The following ZNF469 variants were observed in gnomAD, a reference collection of about 807,000 sequenced individuals.
The protein encoded by ZNF469 is zinc finger protein 469.
A neutral mutation model predicts 1.0 loss-of-function variants in ZNF469; 1 was observed. That is an observed-to-expected ratio of 1.00 (90% CI 0.35 to 4.73). ZNF469 has a LOEUF of 4.73. Among genes scored for constraint, ZNF469 ranks in the 30% most tolerant of loss-of-function variants. The pLI is 0.16. For synonymous variants in ZNF469, 2,703 were observed against 2,363.4 expected, an observed-to-expected ratio of 1.14 and a Z score of -4.17; for missense variants, 6,100 against 5,356.3, an observed-to-expected ratio of 1.14 and a Z score of -4.33.
At chr16:88,324,161 T>C in the ZNF469 span, among the ~76,000 whole-genome samples, 2 of 152,242 alleles carry the variant, frequency 1.3e-5, no homozygotes, top group Non-Finnish European at 2.9e-5. Context: ...TCGGGGCTAC[T>C]TGGGCTTCCT....
At chr16:88,418,332 G>A (rs1269603994) in intron 1 of ZNF469, among the ~76,000 whole-genome samples, 1 of 151,354 alleles carries the variant, frequency 6.6e-6, no homozygotes, top group East Asian at 1.9e-4. Context: ...GGCCGTGGAG[G>A]GTTGTCTAGG....
the ZNF469 span, among the ~76,000 whole-genome samples, chr16:88,244,254 T>C: frequency 6.7e-6 from 1 of 150,200 alleles, no homozygotes; most frequent in African/African-American, 2.5e-5. Context: ...GGAGGGTGAA[T>C]GCATACATGG....
the ZNF469 span, among the ~76,000 whole-genome samples, chr16:88,360,517 C>A: frequency 4.2e-4 from 60 of 144,540 alleles, 1 homozygote; most frequent in African/African-American, 1.5e-3. Flanking sequence ...CAGTCCACCC[C>A]CAGACAGCGC....
chr16:88,304,035 A>G, the ZNF469 span, among the ~76,000 whole-genome samples: 1 of 152,050 alleles, frequency 6.6e-6, no homozygotes, highest in South Asian at 2.1e-4. Flanking sequence ...TAATGGGGCA[A>G]CTCCGCAGCT....
chr16:88,140,054 T>C, the ZNF469 span, among the ~76,000 whole-genome samples: 1 of 152,240 alleles, frequency 6.6e-6, no homozygotes, highest in African/African-American at 2.4e-5. Context: ...GAATCAGCAC[T>C]GTGCAGACAG....
the ZNF469 span, among the ~76,000 whole-genome samples, chr16:88,174,307 A>T: frequency 2.0e-5 from 3 of 152,252 alleles, no homozygotes; most frequent in Non-Finnish European, 4.4e-5. Flanking sequence ...ACAAAATCCT[A>T]AATATGTACA....
chr16:88,149,049 A>G, the ZNF469 span, among the ~76,000 whole-genome samples: 2 of 152,100 alleles, frequency 1.3e-5, no homozygotes, highest in Non-Finnish European at 2.9e-5. Flanking sequence ...TTATTAAATC[A>G]AAGCCACCTG....
chr16:88,300,951 G>C, the ZNF469 span, among the ~76,000 whole-genome samples: 1 of 152,002 alleles, frequency 6.6e-6, no homozygotes, highest in African/African-American at 2.4e-5. Context: ...TGTAATCCCA[G>C]CTACTCGGGA....
chr16:88,376,686 C>T, the ZNF469 span, among the ~76,000 whole-genome samples: 1 of 152,376 alleles, frequency 6.6e-6, no homozygotes, highest in East Asian at 1.9e-4. Flanking sequence ...AGCAGCTGCC[C>T]ACGGCCCCAG....
At chr16:88,263,545 G>C in the ZNF469 span, among the ~76,000 whole-genome samples, 1 of 152,190 alleles carries the variant, frequency 6.6e-6, no homozygotes, top group Non-Finnish European at 1.5e-5. Context: ...TTGGTTGGCT[G>C]AGGGCATGGG....
chr16:88,221,500 G>C, the ZNF469 span, among the ~76,000 whole-genome samples: 1 of 152,234 alleles, frequency 6.6e-6, no homozygotes, highest in Non-Finnish European at 1.5e-5. Flanking sequence ...CATGGTCTCA[G>C]GGGGACGGGA....
chr16:88,296,611 T>C, the ZNF469 span, among the ~76,000 whole-genome samples: 1 of 150,764 alleles, frequency 6.6e-6, no homozygotes, highest in South Asian at 2.1e-4. Context: ...CTCACAGACA[T>C]GCTCACACTC....
the ZNF469 span, among the ~76,000 whole-genome samples, chr16:88,174,807 CTA>C: frequency 6.6e-6 from 1 of 151,762 alleles, no homozygotes; most frequent in Non-Finnish European, 1.5e-5. Flanking sequence ...GTATTAATAA[CTA>C]TTTCTGTTAT....
At chr16:88,198,917 A>C in the ZNF469 span, among the ~76,000 whole-genome samples, 4 of 152,166 alleles carry the variant, frequency 2.6e-5, no homozygotes, top group African/African-American at 9.7e-5. Context: ...ACCCGAGGCG[A>C]GGGCCCCTGG....
chr16:88,247,584 ATGAC>A, the ZNF469 span, among the ~76,000 whole-genome samples: 22 of 136,092 alleles, frequency 1.6e-4, no homozygotes, highest in South Asian at 7.5e-4. Context: ...GAGTGAGTGA[ATGAC>A]TGAGTGAACG....
At chr16:88,145,755 C>A in the ZNF469 span, among the ~76,000 whole-genome samples, 2 of 152,242 alleles carry the variant, frequency 1.3e-5, no homozygotes, top group South Asian at 4.1e-4. Flanking sequence ...GCTGCCCCAG[C>A]CCCCAGTGCC....
chr16:88,344,723 A>G, the ZNF469 span, among the ~76,000 whole-genome samples: 1 of 152,234 alleles, frequency 6.6e-6, no homozygotes, highest in Non-Finnish European at 1.5e-5. Flanking sequence ...TGGTGGACCC[A>G]GGATGCAGCC....
At chr16:88,147,648 G>T in the ZNF469 span, among the ~76,000 whole-genome samples, 1 of 152,106 alleles carries the variant, frequency 6.6e-6, no homozygotes, top group Non-Finnish European at 1.5e-5. Context: ...GTGCTCACGG[G>T]ACGCTGTGCC....
the ZNF469 span, among the ~76,000 whole-genome samples, chr16:88,281,667 G>A: frequency 2.3e-4 from 35 of 150,968 alleles, 1 homozygote; most frequent in Admixed American, 2.2e-3. Context: ...GCACAGGTTA[G>A]TGCTGTGCCA....
Sources: gnomAD v4.1 joint callset for allele counts (sites outside exome capture counted in the v4.1 genomes callset) on GRCh38, gnomAD v4.1.1 for gene constraint, MANE v1.5 for transcripts, NCBI Gene and HGNC (gene_info 2026-07-23, HGNC 2026-07-21) for gene names.